Variants in TAFA2 observed in about 807,000 individuals in gnomAD.
TAFA2 encodes the protein chemokine-like protein TAFA-2.
Under a neutral mutation model 18.8 loss-of-function variants are expected in TAFA2, and 7 were observed. The observed-to-expected ratio is 0.37, with a 90% CI of 0.21 to 0.70. The LOEUF (loss-of-function observed/expected upper bound fraction) is 0.70, where lower values mean the gene tolerates loss of function less well. TAFA2 is among the 30% of genes least tolerant of loss of function. The pLI, the probability that TAFA2 is intolerant of heterozygous loss-of-function variation, is 0.53. For synonymous variants in TAFA2, 60 were observed against 54.2 expected (o/e 1.11, Z -0.47); for missense variants, 122 against 158.1 (o/e 0.77, Z 1.23).
At chr12:61,806,261 G>A (rs1159078951) in intron 2 of TAFA2, among the ~76,000 whole-genome samples, 1 of 152,176 alleles carries the variant, frequency 6.6e-6, no homozygotes, top group Non-Finnish European at 1.5e-5. Flanking sequence ...CATGGGGTCA[G>A]GTCTTTCCCA....
chr12:62,109,481 A>G (rs1869621504), intron 1 of TAFA2, among the ~76,000 whole-genome samples: 1 of 152,150 alleles, frequency 6.6e-6, no homozygotes, highest in Admixed American at 6.6e-5. Context: ...TTGGTTTCAC[A>G]TGAAATTTAA....
chr12:62,154,646 AGTGTTATACCATTTTCAC>A (rs972006119), intron 1 of TAFA2, among the ~76,000 whole-genome samples: 22 of 151,180 alleles, frequency 1.5e-4, no homozygotes, highest in African/African-American at 5.3e-4. Context: ...GAATGCACTA[AGTGTTATACCATTTTCAC>A]GTGCATCCGG....
chr12:61,771,036 TA>T (rs1870002400), intron 2 of TAFA2, among the ~76,000 whole-genome samples: 2 of 151,844 alleles, frequency 1.3e-5, no homozygotes, highest in African/African-American at 4.8e-5. Context: ...AAACTTAAGG[TA>T]AAGGAGTAGA....
intron 1 of TAFA2, among the ~76,000 whole-genome samples, chr12:61,991,651 T>A (rs1387427970): frequency 6.6e-6 from 1 of 152,194 alleles, no homozygotes; most frequent in Non-Finnish European, 1.5e-5. Flanking sequence ...TTAAAAAAAC[T>A]TTTTTGATCT....
At chr12:62,168,836 A>AAAAC (rs145990392) in intron 1 of TAFA2, among the ~76,000 whole-genome samples, 3,289 of 151,900 alleles carry the variant, frequency 0.022, 132 homozygotes, top group African/African-American at 0.074. Flanking sequence ...GATGTTGTCA[A>AAAAC]AAACAAACAA....
chr12:61,857,151 A>T (rs1873917947), intron 2 of TAFA2, among the ~76,000 whole-genome samples: 3 of 151,722 alleles, frequency 2.0e-5, no homozygotes. Context: ...AAAAGGATAT[A>T]ACTGAAAATA....
chr12:62,016,661 C>T (rs1339046460), intron 1 of TAFA2, among the ~76,000 whole-genome samples: 1 of 152,176 alleles, frequency 6.6e-6, no homozygotes, highest in Non-Finnish European at 1.5e-5. Flanking sequence ...ACTGCAACAA[C>T]ATTCCTCCGA....
intron 2 of TAFA2, among the ~76,000 whole-genome samples, chr12:61,818,661 C>T (rs569145835): frequency 6.6e-6 from 1 of 152,078 alleles, no homozygotes; most frequent in African/African-American, 2.4e-5. Flanking sequence ...TACTGGGGTC[C>T]CTGAGATAGT....
intron 2 of TAFA2, among the ~76,000 whole-genome samples, chr12:61,817,585 A>G (rs1005902430): frequency 6.6e-6 from 1 of 152,236 alleles, no homozygotes; most frequent in South Asian, 2.1e-4. Context: ...GGTTATCTTA[A>G]AGTTAGTGTT....
chr12:61,975,440 T>A (rs2136670144), intron 1 of TAFA2, among the ~76,000 whole-genome samples: 1 of 151,674 alleles, frequency 6.6e-6, no homozygotes, highest in East Asian at 1.9e-4. Context: ...CTTATTTCAC[T>A]TAGCATAGTG....
chr12:62,038,825 T>A (rs1881681251), intron 1 of TAFA2, among the ~76,000 whole-genome samples: 1 of 152,092 alleles, frequency 6.6e-6, no homozygotes, highest in Non-Finnish European at 1.5e-5. Flanking sequence ...CCGCCAAGAG[T>A]ACACTGTACA....
chr12:62,240,387 C>T (rs536649789), intron 1 of TAFA2, among the ~76,000 whole-genome samples: 1 of 151,412 alleles, frequency 6.6e-6, no homozygotes, highest in Admixed American at 6.6e-5. Context: ...CTATGGCACT[C>T]CAGCCTGGGT....
chr12:61,975,558 T>C, intron 1 of TAFA2, among the ~76,000 whole-genome samples: 1 of 146,502 alleles, frequency 6.8e-6, no homozygotes, highest in Non-Finnish European at 1.5e-5. Flanking sequence ...CCAATTTCTT[T>C]ATTTACTCAT....
chr12:61,929,120 C>T (rs1877437938), intron 1 of TAFA2, among the ~76,000 whole-genome samples: 1 of 150,680 alleles, frequency 6.6e-6, no homozygotes, highest in Non-Finnish European at 1.5e-5. Flanking sequence ...AACAAACCTG[C>T]ACGTTCTGCA....
At chr12:61,726,325 G>A (rs543893582) in intron 4 of TAFA2, among the ~76,000 whole-genome samples, 103 of 151,814 alleles carry the variant, frequency 6.8e-4, no homozygotes, top group African/African-American at 2.3e-3. Flanking sequence ...TGCTTTTGGC[G>A]GTATGCTTAT....
At chr12:61,802,080 T>G (rs1401458074) in intron 2 of TAFA2, among the ~76,000 whole-genome samples, 3 of 152,062 alleles carry the variant, frequency 2.0e-5, no homozygotes. Context: ...TCACCCTGGT[T>G]ATAATGGGTA....
chr12:61,990,828 T>C (rs141605188), intron 1 of TAFA2, among the ~76,000 whole-genome samples: 12 of 152,358 alleles, frequency 7.9e-5, no homozygotes, highest in African/African-American at 2.2e-4. Context: ...TGGAGGAGTG[T>C]ATATGTATAT....
intron 1 of TAFA2, among the ~76,000 whole-genome samples, chr12:61,896,283 C>G (rs920838359): frequency 6.6e-6 from 1 of 152,036 alleles, no homozygotes; most frequent in Admixed American, 6.6e-5. Context: ...TAATAAAATT[C>G]TGGAATGAAA....
intron 2 of TAFA2, among the ~76,000 whole-genome samples, chr12:61,864,380 C>T (rs1874255669): frequency 6.8e-6 from 1 of 147,664 alleles, no homozygotes; most frequent in Admixed American, 6.8e-5. Flanking sequence ...CTATATATAC[C>T]ATATAGAAAT....
Sources: gnomAD v4.1 joint callset for allele counts (sites outside exome capture counted in the v4.1 genomes callset) on GRCh38, gnomAD v4.1.1 for gene constraint, MANE v1.5 for transcripts, NCBI Gene and HGNC (gene_info 2026-07-23, HGNC 2026-07-21) for gene names.